TMEM131L: variants seen among roughly 807,000 people sequenced by gnomAD.
TMEM131L encodes transmembrane protein 131-like.
In TMEM131L, 54 loss-of-function variants were observed where a neutral mutation model predicts 192.2. The observed-to-expected ratio is 0.28, with a 90% CI of 0.23 to 0.35. The LOEUF (loss-of-function observed/expected upper bound fraction) is 0.35, where lower values mean the gene tolerates loss of function less well. Ranked by LOEUF, TMEM131L falls within the 10% of genes least tolerant of loss-of-function variation. TMEM131L has a pLI of 1.00. For synonymous variants in TMEM131L, 701 were observed against 704.9 expected (o/e 0.99, Z 0.09); for missense variants, 1,888 against 1,972.9 (o/e 0.96, Z 0.82).
chr4:153,488,570 G>A (rs141943543), intron 3 of TMEM131L, among the ~76,000 whole-genome samples: 4 of 152,344 alleles, frequency 2.6e-5, no homozygotes, highest in African/African-American at 7.2e-5. Flanking sequence ...ACAGCAACCC[G>A]GGGATTCCCT....
At chr4:153,512,246 G>T (rs966467914) in intron 3 of TMEM131L, among the ~76,000 whole-genome samples, 2 of 152,134 alleles carry the variant, frequency 1.3e-5, no homozygotes, top group Non-Finnish European at 2.9e-5. Context: ...CTTTGCAACC[G>T]TTTAAAATTA....
At chr4:153,594,021 A>AT in intron 19 of TMEM131L, 150 bp downstream of exon 19, 1 of 616,566 alleles carries the variant, frequency 1.6e-6, no homozygotes, top group Non-Finnish European at 2.9e-6. Context: ...TACATAGCAG[A>AT]TTTTTCCAGT....
intron 18 of TMEM131L, among the ~76,000 whole-genome samples, chr4:153,593,252 A>T (rs1731196352): frequency 6.6e-6 from 1 of 151,514 alleles, no homozygotes; most frequent in East Asian, 1.9e-4. Flanking sequence ...CCCTTATCCC[A>T]GGGTTTCTCA....
intron 3 of TMEM131L, among the ~76,000 whole-genome samples, chr4:153,542,320 G>A (rs1428883378): frequency 6.6e-6 from 1 of 152,166 alleles, no homozygotes; most frequent in Non-Finnish European, 1.5e-5. Context: ...ATTCAAGAGA[G>A]GGTAGCCAGT....
chr4:153,479,425 A>T (rs773924933), intron 3 of TMEM131L, among the ~76,000 whole-genome samples: 2 of 152,178 alleles, frequency 1.3e-5, no homozygotes, highest in African/African-American at 2.4e-5. Flanking sequence ...CAGTGATGAG[A>T]GCAAAGGGGA....
chr4:153,599,787 G>A (rs1253374242), intron 21 of TMEM131L, among the ~76,000 whole-genome samples: 1 of 152,220 alleles, frequency 6.6e-6, no homozygotes, highest in Non-Finnish European at 1.5e-5. Flanking sequence ...GCCGAGCATG[G>A]TGGCTTATGC....
At chr4:153,599,036 C>T (rs1731645044) in intron 21 of TMEM131L, among the ~76,000 whole-genome samples, 1 of 145,716 alleles carries the variant, frequency 6.9e-6, no homozygotes. Flanking sequence ...ATTCCTGAAA[C>T]TGGGTAATTT....
In TMEM131L at chr4:153,623,103, C is replaced by T. The variant is rs776858819; in HGVS notation, c.4045+20C>T. On this transcript the variant is annotated intron_variant, in intron 29 of 34. Transcript: ENST00000409959. ...CGGCCGGTGAGTCCTGAGCAGAGCC[C>T]CAGGCACTCTCGGTGGCCCTTCCCT... 2 of 1,558,120 alleles carry T rather than the reference C, an allele frequency of 1.3e-6. No homozygotes were observed. Among genetic ancestry groups the T allele is most frequent in the Admixed American group, 2.0e-5 (1 of 50,972 alleles).
Position 153,466,458 on chromosome 4 carries a change from C to G in TMEM131L, c.61C>G (p.Leu21Val). 7.0e-7 allele frequency: 1 copy of G among 1,428,782 alleles called. No homozygotes were observed. Among genetic ancestry groups the G allele is most frequent in the Non-Finnish European group, 9.2e-7 (1 of 1,084,054 alleles). The allele number at this position is 1,428,782 out of a possible 1,614,324, so 88.5% of individuals were successfully genotyped here. Reference protein sequence around the residue: ...CYCRTAAAVNLLLGVFQVLLP... With the variant: ...CYCRTAAAVNVLLGVFQVLLP... ...CTGCCGCACCGCGGCGGCCGTGAACCTCCTGCTGGGCGTCTTCCAGGTCCT... is the reference window on the plus strand; with the variant it reads ...CTGCCGCACCGCGGCGGCCGTGAACGTCCTGCTGGGCGTCTTCCAGGTCCT... The change falls in exon 1 of 35, where the codon CTC (leucine) becomes GTC (valine). Residue 21 changes from leucine to valine, a missense_variant. Transcript: ENST00000409959.
intron 3 of TMEM131L, among the ~76,000 whole-genome samples, chr4:153,544,358 T>C (rs369877547): frequency 6.6e-6 from 1 of 152,326 alleles, no homozygotes; most frequent in African/African-American, 2.4e-5. Flanking sequence ...AGTAAACCCT[T>C]AGGAATAAGG....
Position 153,604,167 on chromosome 4 carries a change from A to G in TMEM131L, c.3155A>G (p.Asn1052Ser). The change falls in exon 25 of 35, where the codon AAC (asparagine) becomes AGC (serine). Residue 1052 changes from asparagine (N) to serine (S), a missense_variant. Transcript: ENST00000409959. ...CAGAAGAATTTAACCCTTCCCAAAA[A>G]CTTACTGAATAAAGAAGAAAACACA... ...NLQKNLTLPK[N>S]LLNKEENTLK... 1 of 1,614,100 alleles carries G rather than the reference A, an allele frequency of 6.2e-7. No individual in the cohort carries two copies. The highest frequency in any genetic ancestry group is 8.5e-7 in the Non-Finnish European group (1 of 1,179,998).
intron 3 of TMEM131L, among the ~76,000 whole-genome samples, chr4:153,549,227 A>G (rs144937821): frequency 8.3e-4 from 127 of 152,316 alleles, no homozygotes; most frequent in Non-Finnish European, 1.6e-3. Flanking sequence ...TTGGCCTCTC[A>G]AAGTGCTGGA....
intron 3 of TMEM131L, among the ~76,000 whole-genome samples, chr4:153,545,290 C>CTTTTCT: frequency 7.6e-6 from 1 of 132,336 alleles, no homozygotes; most frequent in East Asian, 2.5e-4. Context: ...CTTTTTCAAA[C>CTTTTCT]TTTTTTTTTT....
At chr4:153,486,252 C>T (rs954271732) in intron 3 of TMEM131L, among the ~76,000 whole-genome samples, 5 of 152,108 alleles carry the variant, frequency 3.3e-5, no homozygotes, top group African/African-American at 1.2e-4. Context: ...TATGCTAATT[C>T]TAAGTGTGGA....
At chr4:153,629,507 C>T (rs1462521780) in intron 31 of TMEM131L, among the ~76,000 whole-genome samples, 8 of 152,160 alleles carry the variant, frequency 5.3e-5, no homozygotes, top group Non-Finnish European at 1.2e-4. Context: ...TCAACAATAG[C>T]CAAAGCTCTC....
chr4:153,485,220 A>T (rs1347850322), intron 3 of TMEM131L, among the ~76,000 whole-genome samples: 1 of 151,782 alleles, frequency 6.6e-6, no homozygotes, highest in African/African-American at 2.4e-5. Flanking sequence ...CTTCTAGTAC[A>T]ATTTATGTTT....
intron 19 of TMEM131L, among the ~76,000 whole-genome samples, chr4:153,594,990 T>C (rs912035686): frequency 6.6e-6 from 1 of 152,192 alleles, no homozygotes; most frequent in Non-Finnish European, 1.5e-5. Flanking sequence ...ATCTAAATAT[T>C]CTATTTAGAT....
At chr4:153,539,832 C>T (rs899525619) in intron 3 of TMEM131L, among the ~76,000 whole-genome samples, 3 of 152,022 alleles carry the variant, frequency 2.0e-5, no homozygotes, top group East Asian at 1.9e-4. Context: ...CTGTCAGGGC[C>T]GGGCACGGTG....
chr4:153,599,340 C>T (rs1311708344), intron 21 of TMEM131L, among the ~76,000 whole-genome samples: 1 of 152,178 alleles, frequency 6.6e-6, no homozygotes, highest in East Asian at 1.9e-4. Context: ...GACCTCCCAT[C>T]AGGTCCCACC....
Sources: gnomAD v4.1 joint callset for allele counts (sites outside exome capture counted in the v4.1 genomes callset) on GRCh38, gnomAD v4.1.1 for gene constraint, MANE v1.5 for transcripts, NCBI Gene and HGNC (gene_info 2026-07-23, HGNC 2026-07-21) for gene names.